Variants in XKR9 observed in about 807,000 individuals in gnomAD.
XKR9 encodes the protein XK related 9.
In XKR9, 32 loss-of-function variants were observed where a neutral mutation model predicts 32.0. The ratio of observed to expected loss-of-function variants is 1.00; its 90% CI spans 0.76 to 1.34. The LOEUF (loss-of-function observed/expected upper bound fraction) is 1.34. Ranked by LOEUF, XKR9 falls within the 40% of genes most tolerant of loss-of-function variation. The probability of loss-of-function intolerance (pLI) is 0.00; values close to 1 mark genes in which losing one functional copy is unlikely to be tolerated. For missense variants in XKR9, 546 were observed against 429.7 expected (o/e 1.27, Z -2.39); for synonymous variants, 168 against 143.4 (o/e 1.17, Z -1.22).
At chr8:70,727,551 C>G (rs965513174) in intron 4 of XKR9, among the ~76,000 whole-genome samples, 6 of 152,040 alleles carry the variant, frequency 3.9e-5, no homozygotes, top group Admixed American at 2.6e-4. Context: ...CAGGCACACA[C>G]CACCACGCCT....
intron 4 of XKR9, 41 bp downstream of exon 4, chr8:70,707,194 G>A (rs1390972666): frequency 6.7e-7 from 1 of 1,482,090 alleles, no homozygotes; most frequent in Admixed American, 1.8e-5. Context: ...GGATGCCACT[G>A]AGACCTTACG....
intron 3 of XKR9, among the ~76,000 whole-genome samples, chr8:70,694,393 A>C (rs1156926933): frequency 6.6e-6 from 1 of 152,158 alleles, no homozygotes; most frequent in East Asian, 1.9e-4. Context: ...CCCTCCCTCT[A>C]GGAGTGCCAT....
the XKR9 span, among the ~76,000 whole-genome samples, chr8:71,033,639 C>A: frequency 6.6e-6 from 1 of 152,112 alleles, no homozygotes; most frequent in Admixed American, 6.5e-5. Context: ...TTGTTGCTCT[C>A]ATGGGAATGG....
At chr8:70,694,225 G>C (rs923129482) in intron 3 of XKR9, among the ~76,000 whole-genome samples, 56 of 152,356 alleles carry the variant, frequency 3.7e-4, no homozygotes, top group African/African-American at 1.2e-3. Context: ...GTCCCACCCA[G>C]TGAGCAGGAA....
chr8:70,775,244 AT>A (rs1807503505), intron 2 of XKR9, among the ~76,000 whole-genome samples: 1 of 151,960 alleles, frequency 6.6e-6, no homozygotes, highest in African/African-American at 2.4e-5. Context: ...GGTATTTTTT[AT>A]GTACAGTCAT....
the XKR9 span, among the ~76,000 whole-genome samples, chr8:70,810,676 A>G: frequency 6.6e-5 from 10 of 152,208 alleles, no homozygotes; most frequent in African/African-American, 2.4e-4. Context: ...ACCCACAAAG[A>G]TCAAAAGAGA....
At chr8:71,025,362 A>G in the XKR9 span, among the ~76,000 whole-genome samples, 1 of 152,254 alleles carries the variant, frequency 6.6e-6, no homozygotes, top group Non-Finnish European at 1.5e-5. Flanking sequence ...AAACTCACCA[A>G]TGAGCTAAAA....
chr8:70,912,339 A>G, the XKR9 span, among the ~76,000 whole-genome samples: 1 of 152,144 alleles, frequency 6.6e-6, no homozygotes, highest in African/African-American at 2.4e-5. Flanking sequence ...ATGGGAGAAG[A>G]ACTGTAGATG....
At chr8:70,841,524 A>G in the XKR9 span, among the ~76,000 whole-genome samples, 1 of 152,144 alleles carries the variant, frequency 6.6e-6, no homozygotes. Context: ...TCATTGCCTC[A>G]TTGATGTCCC....
chr8:70,752,257 G>A (rs1187419751), intron 2 of XKR9, among the ~76,000 whole-genome samples: 3 of 152,074 alleles, frequency 2.0e-5, no homozygotes, highest in East Asian at 3.9e-4. Context: ...TAAAAATTTC[G>A]ATGAAGTCTG....
At chr8:70,680,524 T>C (rs553961664) in intron 2 of XKR9, among the ~76,000 whole-genome samples, 1 of 152,236 alleles carries the variant, frequency 6.6e-6, no homozygotes, top group African/African-American at 2.4e-5. Context: ...ATTTAGGTTG[T>C]TTCCAGTTTG....
chr8:70,677,853 CTA>C (rs1818933467), intron 2 of XKR9, among the ~76,000 whole-genome samples: 1 of 152,162 alleles, frequency 6.6e-6, no homozygotes, highest in Non-Finnish European at 1.5e-5. Flanking sequence ...GCAGTAGTAG[CTA>C]CTATTACTAC....
chr8:70,882,603 C>T, the XKR9 span, among the ~76,000 whole-genome samples: 1 of 152,002 alleles, frequency 6.6e-6, no homozygotes, highest in East Asian at 1.9e-4. Context: ...TAATAGATGA[C>T]TTTTCAGAGC....
chr8:70,771,989 A>G (rs952075836), intron 2 of XKR9, among the ~76,000 whole-genome samples: 1 of 152,250 alleles, frequency 6.6e-6, no homozygotes. Flanking sequence ...AATAAAACAT[A>G]GAAAAGAAAA....
intron 2 of XKR9, among the ~76,000 whole-genome samples, chr8:70,770,842 T>C (rs756692317): frequency 6.6e-6 from 1 of 152,200 alleles, no homozygotes; most frequent in Non-Finnish European, 1.5e-5. Flanking sequence ...TCTTAACTTG[T>C]TGGGATCTGT....
chr8:71,019,855 C>A, the XKR9 span, among the ~76,000 whole-genome samples: 7 of 152,142 alleles, frequency 4.6e-5, no homozygotes, highest in African/African-American at 1.7e-4. Context: ...CTGTTCTGAG[C>A]CGTATATATA....
the XKR9 span, among the ~76,000 whole-genome samples, chr8:70,865,440 G>A: frequency 2.5e-4 from 38 of 151,576 alleles, no homozygotes; most frequent in South Asian, 2.9e-3. Context: ...TTATAGTTCC[G>A]GTGTAAGGTT....
At chr8:70,850,981 G>A in the XKR9 span, among the ~76,000 whole-genome samples, 1 of 152,164 alleles carries the variant, frequency 6.6e-6, no homozygotes, top group Non-Finnish European at 1.5e-5. Context: ...AGGAAGAGAG[G>A]AAGTCAAGTT....
the XKR9 span, among the ~76,000 whole-genome samples, chr8:71,055,959 T>C: frequency 2.6e-5 from 4 of 152,332 alleles, no homozygotes; most frequent in Non-Finnish European, 4.4e-5. Context: ...TATACAAATA[T>C]GAAGGAATTC....
Sources: gnomAD v4.1 joint callset for allele counts (sites outside exome capture counted in the v4.1 genomes callset) on GRCh38, gnomAD v4.1.1 for gene constraint, MANE v1.5 for transcripts, NCBI Gene and HGNC (gene_info 2026-07-23, HGNC 2026-07-21) for gene names.